OGA: variants seen among roughly 807,000 people sequenced by gnomAD.
The protein encoded by OGA is protein O-GlcNAcase.
A neutral mutation model predicts 102.0 loss-of-function variants in OGA; 21 were observed. The ratio of observed to expected loss-of-function variants is 0.21; its 90% confidence interval spans 0.15 to 0.30. The LOEUF is 0.30. Among genes scored for constraint, OGA ranks in the 10% least tolerant of loss-of-function variants. The pLI is 1.00. For synonymous variants in OGA, 408 were observed against 378.2 expected (o/e 1.08, Z -0.91); for missense variants, 765 against 1,107.8 (o/e 0.69, Z 4.39).
intron 7 of OGA, among the ~76,000 whole-genome samples, chr10:101,803,449 A>AAAAAAAAAAAAAAC (rs1267509924): frequency 8.0e-6 from 1 of 124,810 alleles, no homozygotes; most frequent in East Asian, 2.0e-4. Context: ...GAATCATACT[A>AAAAAAAAAAAAAAC]AAAAAAAAAA....
chr10:101,786,270 T>C lies in OGA; in HGVS notation c.*181A>G. The C allele has an allele frequency of 1.9e-6, 1 of 539,546 alleles. No homozygotes were observed. The highest frequency in any genetic ancestry group is 3.0e-6 in the Non-Finnish European group (1 of 337,436). 33.4% of individuals were successfully genotyped at this position (539,546 alleles called of 1,614,324 possible). On this transcript the variant is annotated 3_prime_UTR_variant, in exon 16 of 16. Transcript: ENST00000361464. ...TCATACAGGATTTGCTGCAATACTATATTCTTCCAACCAGTGAGTAGTCTC... is the reference window on the plus strand; with the variant it reads ...TCATACAGGATTTGCTGCAATACTACATTCTTCCAACCAGTGAGTAGTCTC...
At chr10:101,809,162 T>A (rs937773797) in intron 4 of OGA, among the ~76,000 whole-genome samples, 2 of 152,152 alleles carry the variant, frequency 1.3e-5, no homozygotes, top group African/African-American at 4.8e-5. Flanking sequence ...AAAACCCTGT[T>A]TCTGTAATCT....
intron 10 of OGA, among the ~76,000 whole-genome samples, chr10:101,795,501 G>A (rs1422206291): frequency 1.3e-5 from 2 of 152,200 alleles, no homozygotes; most frequent in African/African-American, 4.8e-5. Flanking sequence ...TGGGGAAGAA[G>A]ATAATAGAAG....
rs763801308 is a variant in OGA at position 101,809,024 on chromosome 10, C to T, written c.481-1123G>A. Among the ~76,000 whole-genome samples, 16 of 152,132 alleles carry T rather than the reference C, an allele frequency of 1.1e-4. No homozygotes were observed. The South Asian group carries it at 2.1e-3, about 20-fold the overall frequency. On this transcript the variant is annotated intron_variant, in intron 4 of 15. Coordinates refer to ENST00000361464, the MANE Select transcript of OGA (RefSeq NM_012215.5). ...ACATTGGACCAAAGGAAGTCTGCAG[C>T]TTTTACATTAAGCAGACTTTACACT...
chr10:101,795,837 T>A, intron 10 of OGA: 1 of 850,278 alleles, frequency 1.2e-6, no homozygotes, highest in Non-Finnish European at 1.4e-6. Flanking sequence ...AAACTCACAA[T>A]GTTTTAAGAA....
At position 101,817,842 on chromosome 10, in the gene OGA, G is replaced by A. The variant is rs753225355; in HGVS notation, c.181C>T (p.Leu61Phe). 1.3e-6 allele frequency: 2 copies of A among 1,540,134 alleles called. No homozygotes were observed. The highest frequency in any genetic ancestry group is 2.3e-4 in the Middle Eastern group (1 of 4,376). ...AGAAGGARRF[L>F]CGVVEGFYGR... The stretch of plus-strand genomic sequence containing the variant: ...CGCTCACCTTCCACCACACCGCAGA[G>A]GAACCGCCGAGCCCCTCCTGCAGCC... Residue 61 changes from leucine to phenylalanine, a missense_variant, in exon 1 of 16, where the codon CTC becomes TTC. Around this residue, in one of 7 missense-constraint regions of OGA, gnomAD observed 117 missense variants for 85.7 expected, o/e 1.36. Transcript: ENST00000361464.
chr10:101,795,806 TAA>T, intron 10 of OGA: 1 of 712,386 alleles, frequency 1.4e-6, no homozygotes, highest in Non-Finnish European at 1.7e-6. Context: ...TTGATGAGCT[TAA>T]AAAAAATAAA....
chr10:101,818,278 A>G lies in OGA; in HGVS notation c.-256T>C. On this transcript the variant is annotated 5_prime_UTR_variant, in exon 1 of 16. Transcript: ENST00000361464. ...TGGGGCGCCAGAAGCCTAAGCGGAG[A>G]GCGAGGCTGTGACCTCTCGTTCCCT... 1.6e-6 allele frequency: 2 copies of G among 1,278,220 alleles called. No individual in the cohort carries two copies. The highest frequency in any genetic ancestry group is 2.0e-6 in the Non-Finnish European group (2 of 1,011,306). 79.2% of individuals were successfully genotyped at this position (1,278,220 alleles called of 1,614,324 possible).
intron 14 of OGA, 186 bp from the exon 15 acceptor site, chr10:101,787,709 T>G: frequency 3.6e-6 from 2 of 552,858 alleles, no homozygotes; most frequent in Non-Finnish European, 3.2e-6. Flanking sequence ...CAGGATCTCC[T>G]TCTGTTGGCC....
intron 2 of OGA, 103 bp from the exon 3 acceptor site, chr10:101,813,230 A>ATAT (rs2065581251): frequency 1.3e-6 from 1 of 785,458 alleles, no homozygotes; most frequent in Non-Finnish European, 2.1e-6. Flanking sequence ...TACAAAGCTA[A>ATAT]TATTCTATGA....
intron 3 of OGA, among the ~76,000 whole-genome samples, 166 bp from the exon 4 acceptor site, chr10:101,810,480 T>TACAA (rs2065539957): frequency 6.6e-6 from 1 of 152,190 alleles, no homozygotes; most frequent in African/African-American, 2.4e-5. Flanking sequence ...TACAAAATGG[T>TACAA]ACAAGCCTGA....
intron 14 of OGA, among the ~76,000 whole-genome samples, chr10:101,790,278 T>TG (rs539832981): frequency 6.9e-5 from 10 of 144,348 alleles, no homozygotes; most frequent in South Asian, 2.3e-4. Context: ...TTTTTTTTTT[T>TG]TTTTTTTTTT....
chr10:101,798,408 C>CTTTTT (rs1047325578), intron 9 of OGA, among the ~76,000 whole-genome samples: 2 of 133,018 alleles, frequency 1.5e-5, no homozygotes, highest in Non-Finnish European at 3.2e-5. Flanking sequence ...AAAGAACATA[C>CTTTTT]TTTTTTTTTT....
At position 101,797,993 on chromosome 10, in the gene OGA, A is replaced by G. The variant is rs2065338061; in HGVS notation, c.1971T>C (p.Phe657=). 1 of 1,613,366 alleles carries G rather than the reference A, an allele frequency of 6.2e-7. No homozygotes were observed. The highest frequency in any genetic ancestry group is 1.1e-5 in the South Asian group (1 of 91,064). Residue 657 remains phenylalanine (F), a synonymous_variant, in exon 10 of 16, where the codon TTT becomes TTC. Coordinates refer to ENST00000361464, the MANE Select transcript of OGA (RefSeq NM_012215.5). The stretch of plus-strand genomic sequence containing the variant: ...TGGTGCACCTACCTAACCACTGTAC[A>G]AAAGACTTCACCATAGACATTATAC... ...IKSIMSMVKS[F]VQWLGCRSHS... is the part of the protein sequence containing the mutation.
Position 101,804,311 on chromosome 10 carries a change from C to T in OGA, c.752-292G>A, listed in dbSNP as rs1202287387. ...TTTTTGAGACAGAGTCTCGCTGTGT[C>T]GCCCAGGCTGGAGTACAGTGGTGTG... On this transcript the variant is annotated intron_variant, in intron 6 of 15. Coordinates refer to ENST00000361464, the MANE Select transcript of OGA (RefSeq NM_012215.5). 1.3e-3 allele frequency among the ~76,000 whole-genome samples: 172 copies of T among 136,204 alleles called. 1 individual carries two copies. Among genetic ancestry groups the T allele is most frequent in the African/African-American group, 4.3e-3 (155 of 36,154 alleles). The allele number at this position is 136,204 out of a possible 152,430, so 89.4% of individuals were successfully genotyped here.
intron 4 of OGA, among the ~76,000 whole-genome samples, chr10:101,808,557 C>T (rs1482029866): frequency 6.6e-6 from 1 of 152,168 alleles, no homozygotes; most frequent in Admixed American, 6.5e-5. Context: ...AGTAAAATAA[C>T]TTCATTCATG....
intron 3 of OGA, 131 bp downstream of exon 3, chr10:101,812,899 A>G: frequency 1.3e-6 from 1 of 767,664 alleles, no homozygotes; most frequent in Non-Finnish European, 2.3e-6. Flanking sequence ...CTGAATAGTT[A>G]CCAGATAGAA....
rs149313572 is a variant in OGA at position 101,803,886 on chromosome 10, C to T, written c.885G>A (p.Pro295=). 120 of 1,614,086 alleles carry T rather than the reference C, an allele frequency of 7.4e-5. No homozygotes were observed. The highest frequency in any genetic ancestry group is 9.3e-5 in the Non-Finnish European group (110 of 1,180,048). ...TGAGTTCTGTGGATCTTCCTTTGTA[C>T]GGGCCCAGAAACAGTCTCTTCTGAT... ...DYDQKRLFLG[P]YKGRSTELIP... Residue 295 remains proline (P), a synonymous_variant, in exon 7 of 16, where the codon CCG becomes CCA. Transcript: ENST00000361464.
chr10:101,806,091 C>G lies in OGA; in HGVS notation c.705G>C (p.Arg235Ser). The change falls in exon 6 of 16, where the codon AGG becomes AGC. Residue 235 changes from arginine (R) to serine (S), a missense_variant. Arg to Ser is a moderately radical substitution (Grantham distance 110). Around this residue, in one of 7 missense-constraint regions of OGA, gnomAD observed 165 missense variants for 249.7 expected, o/e 0.66. Coordinates refer to ENST00000361464, the MANE Select transcript of OGA (RefSeq NM_012215.5). ...CAGGTAGAAGCTTTTCACCCACAGT[C>G]CTTAAATATGGAGACTGAGACACAT... ...YPNVSQSPYLRTVGEKLLPGI... is the reference protein window; with the variant it reads ...YPNVSQSPYLSTVGEKLLPGI... The G allele has an allele frequency of 6.2e-7, 1 of 1,612,560 alleles. No individual in the cohort carries two copies. The highest frequency in any genetic ancestry group is 8.5e-7 in the Non-Finnish European group (1 of 1,178,542).
Sources: allele counts gnomAD v4.1 joint callset (sites outside exome capture counted in the v4.1 genomes callset), GRCh38; gene constraint gnomAD v4.1.1; regional missense constraint gnomAD v4.1.1; transcripts MANE v1.5; gene names NCBI Gene and HGNC (gene_info 2026-07-23, HGNC 2026-07-21).